ADAMTS17: variants seen among roughly 807,000 people sequenced by gnomAD.
ADAMTS17 encodes the protein A disintegrin and metalloproteinase with thrombospondin motifs 17.
A neutral mutation model predicts 141.5 loss-of-function variants in ADAMTS17; 113 were observed. The observed-to-expected ratio is 0.80, with a 90% CI of 0.69 to 0.93. The LOEUF (loss-of-function observed/expected upper bound fraction) is 0.93. Ranked by LOEUF, ADAMTS17 falls within the 40% of genes least tolerant of loss-of-function variation. The probability of loss-of-function intolerance (pLI) is 0.00; values close to 1 mark genes in which losing one functional copy is unlikely to be tolerated. For synonymous variants in ADAMTS17, 768 were observed against 630.6 expected, an observed-to-expected ratio of 1.22 and a Z score of -3.27; for missense variants, 1,659 against 1,517.9, an observed-to-expected ratio of 1.09 and a Z score of -1.54.
At chr15:100,159,040 A>G (rs893145243) in intron 8 of ADAMTS17, among the ~76,000 whole-genome samples, 1 of 152,236 alleles carries the variant, frequency 6.6e-6, no homozygotes, top group Non-Finnish European at 1.5e-5. Flanking sequence ...AATGGTATAG[A>G]TGCTATGAAA....
intron 7 of ADAMTS17, among the ~76,000 whole-genome samples, chr15:100,238,950 G>A (rs1209510527): frequency 1.3e-5 from 2 of 152,160 alleles, no homozygotes; most frequent in East Asian, 3.9e-4. Flanking sequence ...AGTTAGCCAG[G>A]CGTAGTGGCG....
In ADAMTS17 at chr15:100,152,688, G is replaced by C. The variant is rs144488545; in HGVS notation, c.1397C>G (p.Pro466Arg). Residue 466 changes from proline to arginine, a missense_variant, in exon 10 of 22, where the codon CCG (proline) becomes CGG (arginine). By Grantham distance (103) the Pro-to-Arg change is moderately radical. Transcript: ENST00000268070. Reference sequence around the variant, plus strand: ...CTCGTTGGCACTGTAGTGCATGCCCGGCAGCTTGTGCGGGAGGCGTACTGT... The same window carrying C: ...CTCGTTGGCACTGTAGTGCATGCCCCGCAGCTTGTGCGGGAGGCGTACTGT... Reference protein sequence around the residue: ...QHTVRLPHKLPGMHYSANEQC... With the variant: ...QHTVRLPHKLRGMHYSANEQC... 6.2e-7 allele frequency: 1 copy of C among 1,614,208 alleles called. No homozygotes were observed. The highest frequency in any genetic ancestry group is 8.5e-7 in the Non-Finnish European group (1 of 1,180,050).
intron 18 of ADAMTS17, among the ~76,000 whole-genome samples, chr15:100,046,828 ATTGT>A (rs2031726799): frequency 6.6e-6 from 1 of 152,196 alleles, no homozygotes; most frequent in Non-Finnish European, 1.5e-5. Context: ...AACTGCACAA[ATTGT>A]TTGTAGAGCA....
intron 7 of ADAMTS17, among the ~76,000 whole-genome samples, chr15:100,204,040 C>G (rs1478150052): frequency 1.3e-5 from 2 of 152,200 alleles, no homozygotes; most frequent in Non-Finnish European, 2.9e-5. Context: ...GCTCATTTGT[C>G]TTCTTTCCTT....
At chr15:99,988,683 T>C (rs2060636972) in intron 20 of ADAMTS17, among the ~76,000 whole-genome samples, 1 of 152,192 alleles carries the variant, frequency 6.6e-6, no homozygotes, top group Non-Finnish European at 1.5e-5. Flanking sequence ...GAAGTGTTCT[T>C]CACAGCATGG....
chr15:99,978,240 G>A (rs576930086), intron 20 of ADAMTS17, among the ~76,000 whole-genome samples: 25 of 152,308 alleles, frequency 1.6e-4, no homozygotes, highest in African/African-American at 5.3e-4. Context: ...TCCCAGGGGG[G>A]CTTCTGCAAG....
chr15:100,182,365 T>C (rs765828382), intron 8 of ADAMTS17, among the ~76,000 whole-genome samples: 4 of 152,120 alleles, frequency 2.6e-5, no homozygotes, highest in Non-Finnish European at 5.9e-5. Context: ...CCTCAAGACT[T>C]GGGGATTACG....
chr15:100,254,069 C>G lies in ADAMTS17; in HGVS notation c.1075+67G>C, dbSNP rs2043245153. The G allele has an allele frequency of 2.7e-6, 4 of 1,500,756 alleles. No homozygotes were observed. The Admixed American group carries it at 6.7e-5, about 25-fold the overall frequency. 93.0% of individuals were successfully genotyped at this position (1,500,756 alleles called of 1,614,324 possible). On this transcript the variant is annotated intron_variant, in intron 7 of 21. Coordinates refer to ENST00000268070, the MANE Select transcript of ADAMTS17 (RefSeq NM_139057.4). ...TTGAGGACAGCTCCTCCACTGTGAC[C>G]AGGAAGTCTCCAGATTCTCCCAGGG... is the stretch of plus-strand genomic sequence containing the variant.
intron 20 of ADAMTS17, among the ~76,000 whole-genome samples, chr15:99,981,090 G>T (rs1490393035): frequency 6.6e-6 from 1 of 152,200 alleles, no homozygotes; most frequent in Non-Finnish European, 1.5e-5. Flanking sequence ...GTGGTCCAGG[G>T]ACCCCATCTC....
At chr15:100,189,368 T>C (rs964333385) in intron 8 of ADAMTS17, among the ~76,000 whole-genome samples, 7 of 152,222 alleles carry the variant, frequency 4.6e-5, no homozygotes, top group Non-Finnish European at 1.0e-4. Flanking sequence ...ACCAAGCAGC[T>C]GGCAGGAAGT....
At chr15:100,339,076 G>C in intron 2 of ADAMTS17, 3 of 985,422 alleles carry the variant, frequency 3.0e-6, no homozygotes, top group Non-Finnish European at 3.6e-6. Flanking sequence ...TGTCTGCTCC[G>C]GCAGGAATTT....
chr15:100,087,032 A>C (rs183497786), intron 15 of ADAMTS17, among the ~76,000 whole-genome samples: 1,763 of 152,266 alleles, frequency 0.012, 39 homozygotes, highest in African/African-American at 0.041. Context: ...AAAACCCTTC[A>C]AAAAATCAAT....
intron 10 of ADAMTS17, among the ~76,000 whole-genome samples, chr15:100,145,565 T>C (rs565534402): frequency 6.6e-6 from 1 of 152,354 alleles, no homozygotes; most frequent in East Asian, 1.9e-4. Flanking sequence ...CCATTAGTAC[T>C]GTTTTTCTGG....
At chr15:100,322,752 A>T (rs74247551) in intron 3 of ADAMTS17, among the ~76,000 whole-genome samples, 10,413 of 152,258 alleles carry the variant, frequency 0.068, 842 homozygotes, top group East Asian at 0.24. Context: ...TACTTAAAAA[A>T]TGGAAATATC....
intron 8 of ADAMTS17, among the ~76,000 whole-genome samples, chr15:100,195,319 AG>A (rs1339637449): frequency 9.2e-5 from 14 of 152,200 alleles, no homozygotes; most frequent in Non-Finnish European, 1.9e-4. Flanking sequence ...CTCCTTTGTC[AG>A]GGCACAGAAT....
chr15:100,256,327 AC>A (rs2141973259), intron 6 of ADAMTS17: 2 of 151,964 alleles, frequency 1.3e-5, no homozygotes, highest in East Asian at 3.9e-4. Flanking sequence ...CTGGGCTAAC[AC>A]TCTGCTGTCG....
At position 100,096,455 on chromosome 15, in the gene ADAMTS17, T is replaced by C. The variant is rs1567165993; in HGVS notation, c.2038A>G (p.Ile680Val). ...KCQKIGCDGI[I>V]GSAAKEDRCG... The stretch of plus-strand genomic sequence containing the variant: ...CTGTCCTCTTTGGCTGCAGACCCGA[T>C]GATGCCGTCACAGCCGATTTTCTAA... The change falls in exon 15 of 22, where the codon ATC (isoleucine) becomes GTC (valine). Residue 680 changes from isoleucine to valine, a missense_variant. Transcript: ENST00000268070. 6.2e-7 allele frequency: 1 copy of C among 1,614,186 alleles called. No homozygotes were observed.
intron 4 of ADAMTS17, among the ~76,000 whole-genome samples, chr15:100,277,242 G>C (rs1038314571): frequency 3.3e-5 from 5 of 152,048 alleles, no homozygotes; most frequent in African/African-American, 1.2e-4. Flanking sequence ...CCGGGCTCTT[G>C]AGCCACCAGT....
rs73472492 is a variant in ADAMTS17, at chr15:100,049,309, A to T, written c.2456-317T>A. ...GGCCTTTGATTTCCAAAGATTGCTC[A>T]TCTTTTTATCTGCTTGTTTGATGTT... On this transcript the variant is annotated intron_variant, in intron 17 of 21. Coordinates refer to ENST00000268070, the MANE Select transcript of ADAMTS17 (RefSeq NM_139057.4). Among the ~76,000 whole-genome samples the T allele has an allele frequency of 0.02, 2,975 of 152,318 alleles. 102 individuals are homozygous for T. Among genetic ancestry groups the T allele is most frequent in the African/African-American group, 0.068 (2,810 of 41,550 alleles).
Sources: gnomAD v4.1 joint callset for allele counts (sites outside exome capture counted in the v4.1 genomes callset) on GRCh38, gnomAD v4.1.1 for gene constraint, MANE v1.5 for transcripts, NCBI Gene and HGNC (gene_info 2026-07-23, HGNC 2026-07-21) for gene names.